Variants in ZNF845 observed in about 807,000 individuals in gnomAD.
The protein encoded by ZNF845 is zinc finger protein 845.
Under a neutral mutation model 76.1 loss-of-function variants are expected in ZNF845, and 59 were observed. The ratio of observed to expected loss-of-function variants is 0.78; its 90% CI spans 0.63 to 0.96. The LOEUF is 0.96. Among genes scored for constraint, ZNF845 ranks in the 40% least tolerant of loss-of-function variants. ZNF845 has a pLI of 0.00. For missense variants in ZNF845, 1,045 were observed against 1,172.8 expected, an observed-to-expected ratio of 0.89 and a Z score of 1.59; for synonymous variants, 361 against 386.9, an observed-to-expected ratio of 0.93 and a Z score of 0.78.
Position 53,353,431 on chromosome 19 carries a change from A to T in ZNF845, c.2756A>T (p.Glu919Val). 2.5e-6 allele frequency: 4 copies of T among 1,613,902 alleles called. No homozygotes were observed. Among genetic ancestry groups the T allele is most frequent in the Non-Finnish European group, 3.4e-6 (4 of 1,179,892 alleles). ...GGAGAGAAACCTTACAAGTGTAATG[A>T]GTGTGGCAAAACCTTCCGTCACAAT... is the stretch of plus-strand genomic sequence containing the variant. ...HTGEKPYKCN[E>V]CGKTFRHNSV... The change falls in exon 4 of 4, where the codon GAG becomes GTG. Residue 919 changes from glutamate to valine, a missense_variant. By Grantham distance (121) the Glu-to-Val change is moderately radical. Transcript: ENST00000458035.
intron 1 of ZNF845, among the ~76,000 whole-genome samples, chr19:53,338,784 A>G (rs2085235455): frequency 6.6e-6 from 1 of 152,012 alleles, no homozygotes; most frequent in South Asian, 2.1e-4. Flanking sequence ...TCAAGATGCT[A>G]TAATGTAAAT....
chr19:53,343,417 C>T (rs1230958936), intron 2 of ZNF845, among the ~76,000 whole-genome samples: 1 of 152,134 alleles, frequency 6.6e-6, no homozygotes, highest in East Asian at 1.9e-4. Context: ...CCTGAAGATT[C>T]CTCCAGGTCA....
At chr19:53,344,383 C>T (rs1460530464) in intron 2 of ZNF845, among the ~76,000 whole-genome samples, 1 of 151,872 alleles carries the variant, frequency 6.6e-6, no homozygotes, top group African/African-American at 2.4e-5. Context: ...ACTAAAAATA[C>T]AAAAATTAGC....
At position 53,356,797 on chromosome 19, in the gene ZNF845, C is replaced by G. The variant is rs968458079; in HGVS notation, c.*3209C>G. On this transcript the variant is annotated 3_prime_UTR_variant, in exon 4 of 4. Transcript: ENST00000458035. ...ACAAAAAATTAGCTGGGCGAGGTGG[C>G]AGGCACCTGTAGTCCCAGCTACTCG... The G allele has an allele frequency of 6.6e-6, 1 of 151,514 alleles. No homozygotes were observed. The highest frequency in any genetic ancestry group is 6.6e-5 in the Admixed American group (1 of 15,218). The allele number at this position is 151,514 out of a possible 1,614,324, so 9.4% of individuals were successfully genotyped here. A position where few individuals can be genotyped will look rare whatever the true frequency, so the allele number is the denominator to read the frequency against.
In ZNF845 at chr19:53,351,303, A is replaced by G. The variant is rs752894826; in HGVS notation, c.628A>G (p.Met210Val). The part of the protein sequence containing the change: ...SLLTQKQEVH[M>V]REKSFQCNES... Reference sequence around the variant, plus strand: ...ACTCACACAAAAGCAGGAAGTACACATGAGAGAAAAATCTTTCCAATGTAA... The same window carrying G: ...ACTCACACAAAAGCAGGAAGTACACGTGAGAGAAAAATCTTTCCAATGTAA... The change falls in exon 4 of 4, where the codon ATG becomes GTG. Residue 210 changes from methionine to valine, a missense_variant. Met to Val is a conservative substitution (Grantham distance 21). Coordinates refer to ENST00000458035, the MANE Select transcript of ZNF845 (RefSeq NM_138374.3). 3 of 1,614,222 alleles carry G rather than the reference A, an allele frequency of 1.9e-6. No homozygotes were observed. The highest frequency in any genetic ancestry group is 1.1e-5 in the South Asian group (1 of 91,084).
chr19:53,342,517 G>T (rs935087444), intron 2 of ZNF845, among the ~76,000 whole-genome samples: 2 of 152,136 alleles, frequency 1.3e-5, no homozygotes, highest in Non-Finnish European at 2.9e-5. Flanking sequence ...TAGACCCATT[G>T]CCATAAAGCA....
intron 2 of ZNF845, 25 bp downstream of exon 2, chr19:53,341,347 G>C: frequency 6.2e-7 from 1 of 1,613,852 alleles, no homozygotes; most frequent in Non-Finnish European, 8.5e-7. Context: ...TGGGTGGATT[G>C]TTCTGTCTCC....
In ZNF845 at chr19:53,352,555, G is replaced by A. The variant is rs770781596; in HGVS notation, c.1880G>A (p.Arg627Gln). 1.3e-4 allele frequency: 203 copies of A among 1,608,264 alleles called. No homozygotes were observed. Among genetic ancestry groups the A allele is most frequent in the East Asian group, 3.8e-4 (17 of 44,570 alleles). The change falls in exon 4 of 4, where the codon CGA becomes CAA. Residue 627 changes from arginine to glutamine, a missense_variant. Transcript: ENST00000458035. ...CGTTCATACCTTGCAGTTCATTGGC[G>A]AACTCATAGTGGAGAGAAACCTTAC... ...RHRSYLAVHW[R>Q]THSGEKPYKC...
At position 53,354,095 on chromosome 19, in the gene ZNF845, T is replaced by G; in HGVS notation, c.*507T>G. The G allele has an allele frequency of 1.9e-6, 1 of 522,766 alleles. No individual in the cohort carries two copies. The highest frequency in any genetic ancestry group is 3.7e-6 in the Non-Finnish European group (1 of 269,632). The allele number at this position is 522,766 out of a possible 1,614,324, so 32.4% of individuals were successfully genotyped here. A position where few individuals can be genotyped will look rare whatever the true frequency, so the allele number is the denominator to read the frequency against. On this transcript the variant is annotated 3_prime_UTR_variant, in exon 4 of 4. Transcript: ENST00000458035. ...CAGGAGACAAACTTCACAAGTATGA[T>G]GATTGCAGCAAAGCCTTTACTTCAC... is the stretch of plus-strand genomic sequence containing the variant.
chr19:53,344,455 T>C (rs560842617), intron 2 of ZNF845, among the ~76,000 whole-genome samples: 1 of 152,078 alleles, frequency 6.6e-6, no homozygotes, highest in East Asian at 1.9e-4. Context: ...GGAGAATCAC[T>C]TGATCCTGGG....
chr19:53,348,982 G>A (rs566061817), intron 3 of ZNF845, among the ~76,000 whole-genome samples: 7 of 149,710 alleles, frequency 4.7e-5, no homozygotes, highest in Middle Eastern at 3.6e-3. Context: ...TCAGCCTCCC[G>A]AGTAGTTGGG....
Position 53,354,000 on chromosome 19 carries a change from CT to C in ZNF845, c.*414del. On this transcript the variant is annotated 3_prime_UTR_variant, in exon 4 of 4. Coordinates refer to ENST00000458035, the MANE Select transcript of ZNF845 (RefSeq NM_138374.3). ...CGGTGAACTCATGCTGGAGAGAAAC[CT>C]TACAAATGTCATGATTGTGGCAAGG... The C allele has an allele frequency of 2.0e-6, 1 of 494,306 alleles. No individual in the cohort carries two copies. The highest frequency in any genetic ancestry group is 3.7e-6 in the Non-Finnish European group (1 of 272,036). 30.6% of individuals were successfully genotyped at this position (494,306 alleles called of 1,614,324 possible).
Position 53,333,775 on chromosome 19 carries a change from G to C in ZNF845, c.-91G>C, listed in dbSNP as rs1449186779. 2 of 159,868 alleles carry C rather than the reference G, an allele frequency of 1.3e-5. No individual in the cohort carries two copies. The highest frequency in any genetic ancestry group is 6.4e-5 in the Admixed American group (1 of 15,616). The allele number at this position is 159,868 out of a possible 1,614,324, so 9.9% of individuals were successfully genotyped here. On this transcript the variant is annotated 5_prime_UTR_variant, in exon 1 of 4. The change abolishes the stop of an existing upstream ORF in the 5' untranslated region. Transcript: ENST00000458035. ...AACCCGGAAGCGGATCGCATGGAGT[G>C]ATGGTCCCACCGCAGCGGTGAGTTT...
At position 53,353,027 on chromosome 19, in the gene ZNF845, T is replaced by C; in HGVS notation, c.2352T>C (p.Phe784=). The part of the protein sequence containing the change: ...PYKCKVCDKA[F]GRDSHLAQHT... ...AATGTAAGGTTTGTGACAAAGCTTT[T>C]GGGCGTGATTCACACCTGGCACAAC... The change falls in exon 4 of 4, where the codon TTT becomes TTC. Residue 784 remains phenylalanine (F), a synonymous_variant. Transcript: ENST00000458035. 1 of 1,613,784 alleles carries C rather than the reference T, an allele frequency of 6.2e-7. No homozygotes were observed.
intron 2 of ZNF845, among the ~76,000 whole-genome samples, chr19:53,343,549 T>C (rs1197098799): frequency 6.6e-6 from 1 of 152,218 alleles, no homozygotes; most frequent in Non-Finnish European, 1.5e-5. Context: ...GTGATTCTTC[T>C]TAAGTTAAAC....
chr19:53,337,593 GA>G (rs2085224598), intron 1 of ZNF845, among the ~76,000 whole-genome samples: 1 of 151,710 alleles, frequency 6.6e-6, no homozygotes, highest in South Asian at 2.1e-4. Context: ...TTTTACTTTT[GA>G]GTTTCAATCT....
At chr19:53,342,234 C>T (rs7253043) in intron 2 of ZNF845, among the ~76,000 whole-genome samples, 10,629 of 152,002 alleles carry the variant, frequency 0.07, 791 homozygotes, top group African/African-American at 0.19. Context: ...CCTGCCTCAG[C>T]CTCCCAAGTA....
chr19:53,350,974 A>G lies in ZNF845; in HGVS notation c.299A>G (p.Gln100Arg). 6.2e-7 allele frequency: 1 copy of G among 1,614,176 alleles called. No homozygotes were observed. Among genetic ancestry groups the G allele is most frequent in the Non-Finnish European group, 8.5e-7 (1 of 1,180,030 alleles). ...MEKDIHDFEF[Q>R]WKEDERNSHE... is the part of the protein sequence containing the mutation. ...AAAGATATTCATGATTTTGAGTTTC[A>G]GTGGAAAGAAGATGAAAGAAATAGC... Residue 100 changes from glutamine to arginine, a missense_variant, in exon 4 of 4, where the codon CAG becomes CGG. Transcript: ENST00000458035.
Position 53,353,680 on chromosome 19 carries a change from A to C in ZNF845, c.*92A>C. ...TGGAGAGAAAGCTTACAAATGTAAGAGTTTGTGACAAGAATCTTGGGCGTG... is the reference window on the plus strand; with the variant it reads ...TGGAGAGAAAGCTTACAAATGTAAGCGTTTGTGACAAGAATCTTGGGCGTG... On this transcript the variant is annotated 3_prime_UTR_variant, in exon 4 of 4. Transcript: ENST00000458035. 1 of 1,512,864 alleles carries C rather than the reference A, an allele frequency of 6.6e-7. No homozygotes were observed. Among genetic ancestry groups the C allele is most frequent in the Non-Finnish European group, 8.8e-7 (1 of 1,133,166 alleles). The allele number at this position is 1,512,864 out of a possible 1,614,324, so 93.7% of individuals were successfully genotyped here.
Sources: allele counts gnomAD v4.1 joint callset (sites outside exome capture counted in the v4.1 genomes callset), GRCh38; gene constraint gnomAD v4.1.1; transcripts MANE v1.5; gene names NCBI Gene and HGNC (gene_info 2026-07-23, HGNC 2026-07-21).